Variants in TMEM108 observed in about 807,000 individuals in gnomAD.
TMEM108 encodes cancer/testis antigen 124.
In TMEM108, 12 loss-of-function variants were observed where a neutral mutation model predicts 35.1. The observed-to-expected ratio is 0.34, with a 90% CI of 0.22 to 0.55. TMEM108 has a LOEUF of 0.55. TMEM108 is among the 20% of genes least tolerant of loss of function. The pLI, the probability that TMEM108 is intolerant of heterozygous loss-of-function variation, is 0.89. For missense variants in TMEM108, 680 were observed against 753.3 expected, an observed-to-expected ratio of 0.90 and a Z score of 1.14; for synonymous variants, 287 against 308.6, an observed-to-expected ratio of 0.93 and a Z score of 0.73.
intron 3 of TMEM108, among the ~76,000 whole-genome samples, chr3:133,294,318 A>G (rs1947113527): frequency 6.6e-6 from 1 of 152,200 alleles, no homozygotes; most frequent in African/African-American, 2.4e-5. Context: ...ATTAGGTAAT[A>G]AAAAGTGAAG....
At chr3:133,231,183 A>C (rs1030579556) in intron 3 of TMEM108, among the ~76,000 whole-genome samples, 1 of 152,194 alleles carries the variant, frequency 6.6e-6, no homozygotes, top group African/African-American at 2.4e-5. Context: ...ATCAACACAC[A>C]CAATATGTTA....
intron 2 of TMEM108, among the ~76,000 whole-genome samples, chr3:133,192,096 C>G (rs1261989629): frequency 3.3e-5 from 5 of 152,090 alleles, no homozygotes; most frequent in African/African-American, 4.8e-5. Context: ...CAAAGCTGCA[C>G]AAGCTCTGAC....
chr3:133,386,330 C>T, intron 4 of TMEM108: 4 of 1,440,972 alleles, frequency 2.8e-6, no homozygotes, highest in Non-Finnish European at 3.8e-6. Flanking sequence ...AATGCCTGCT[C>T]AAACAGGCCC....
intron 3 of TMEM108, among the ~76,000 whole-genome samples, chr3:133,301,139 T>C (rs1160645875): frequency 1.3e-5 from 2 of 152,240 alleles, no homozygotes; most frequent in South Asian, 2.1e-4. Context: ...AGATCTCTTA[T>C]TCCCTGTCCC....
At chr3:133,389,526 A>C (rs973752514) in intron 4 of TMEM108, 1 of 397,504 alleles carries the variant, frequency 2.5e-6, no homozygotes, top group Non-Finnish European at 3.4e-6. Flanking sequence ...TCTACTAAAA[A>C]TACAAAAATT....
chr3:133,376,662 G>C (rs961140606), intron 3 of TMEM108, among the ~76,000 whole-genome samples: 9 of 152,152 alleles, frequency 5.9e-5, no homozygotes, highest in African/African-American at 2.2e-4. Context: ...AGCCTACTCA[G>C]CTCCACTGAC....
At chr3:133,231,337 C>T (rs1946150407) in intron 3 of TMEM108, among the ~76,000 whole-genome samples, 1 of 151,998 alleles carries the variant, frequency 6.6e-6, no homozygotes, top group Admixed American at 6.6e-5. Flanking sequence ...AAGCAAATAA[C>T]AGTTATTTAT....
intron 3 of TMEM108, among the ~76,000 whole-genome samples, chr3:133,292,084 A>G (rs1370997612): frequency 6.6e-6 from 1 of 152,230 alleles, no homozygotes; most frequent in Non-Finnish European, 1.5e-5. Flanking sequence ...GAAGTGCCTC[A>G]GATGATTCTG....
At position 133,271,251 on chromosome 3, in the gene TMEM108, T is replaced by C. The variant is rs144780216; in HGVS notation, c.40+41900T>C. The stretch of plus-strand genomic sequence containing the variant: ...GAGTTCTGCTGTAGAACGGAAAGAG[T>C]TGGGAAACAGGAGGAGGACCAGAGA... On this transcript the variant is annotated intron_variant, in intron 3 of 5. Coordinates refer to ENST00000321871, the MANE Select transcript of TMEM108 (RefSeq NM_023943.4). 3.9e-4 allele frequency among the ~76,000 whole-genome samples: 60 copies of C among 151,938 alleles called. No individual in the cohort carries two copies. The East Asian group carries it at 9.7e-3, about 24-fold the overall frequency.
intron 2 of TMEM108, among the ~76,000 whole-genome samples, chr3:133,165,451 A>G (rs1468444960): frequency 6.6e-6 from 1 of 152,216 alleles, no homozygotes; most frequent in East Asian, 1.9e-4. Context: ...CTATAAAAAG[A>G]CAATGTCCCA....
chr3:133,393,410 T>C (rs1350276297), intron 5 of TMEM108, among the ~76,000 whole-genome samples: 2 of 152,226 alleles, frequency 1.3e-5, no homozygotes, highest in African/African-American at 4.8e-5. Context: ...TTGTTTGTTG[T>C]GCTCACTGCT....
At chr3:133,091,001 G>A (rs1943940629) in intron 2 of TMEM108, among the ~76,000 whole-genome samples, 1 of 152,058 alleles carries the variant, frequency 6.6e-6, no homozygotes, top group Non-Finnish European at 1.5e-5. Context: ...GTAAATCACT[G>A]TAAGTAAAAC....
At chr3:133,112,301 G>T (rs944202511) in intron 2 of TMEM108, among the ~76,000 whole-genome samples, 7 of 152,128 alleles carry the variant, frequency 4.6e-5, no homozygotes, top group Admixed American at 3.9e-4. Context: ...AAATGTATCA[G>T]TGACCCTTAC....
intron 2 of TMEM108, among the ~76,000 whole-genome samples, chr3:133,062,892 G>A (rs560016909): frequency 2.6e-5 from 4 of 152,302 alleles, no homozygotes; most frequent in South Asian, 2.1e-4. Context: ...TGTTTTTGCC[G>A]AGTGAGCAGG....
At chr3:133,086,567 A>T (rs926818949) in intron 2 of TMEM108, among the ~76,000 whole-genome samples, 4 of 152,214 alleles carry the variant, frequency 2.6e-5, no homozygotes, top group Non-Finnish European at 5.9e-5. Context: ...AACTATTACG[A>T]GATGAGCATT....
chr3:133,310,024 T>C (rs982471351), intron 3 of TMEM108, among the ~76,000 whole-genome samples: 1 of 152,182 alleles, frequency 6.6e-6, no homozygotes, highest in African/African-American at 2.4e-5. Flanking sequence ...TAATCCTGTG[T>C]TCTAATTTGA....
At position 133,067,693 on chromosome 3, in the gene TMEM108, G is replaced by A. The variant is rs74817589; in HGVS notation, c.-47+21673G>A. On this transcript the variant is annotated intron_variant, in intron 2 of 5. Coordinates refer to ENST00000321871, the MANE Select transcript of TMEM108 (RefSeq NM_023943.4). ...CAGAGACTTTTGTCTAGCTAAGGTG[G>A]TGAGGGCCAATAGGACTGTAAACAA... Among the ~76,000 whole-genome samples, 754 of 152,270 alleles carry A rather than the reference G, an allele frequency of 5.0e-3. 8 individuals are homozygous for A. Among genetic ancestry groups the A allele is most frequent in the African/African-American group, 0.016 (677 of 41,558 alleles).
Position 133,092,367 on chromosome 3 carries a change from C to T in TMEM108, c.-47+46347C>T, listed in dbSNP as rs146903033. Among the ~76,000 whole-genome samples, 1,338 of 152,288 alleles carry T rather than the reference C, an allele frequency of 8.8e-3. 22 individuals carry two copies. The highest frequency in any genetic ancestry group is 0.031 in the African/African-American group (1,279 of 41,544). On this transcript the variant is annotated intron_variant, in intron 2 of 5. Coordinates refer to ENST00000321871, the MANE Select transcript of TMEM108 (RefSeq NM_023943.4). ...AGGGTCTAATATTTTCTCCTAACCT[C>T]TTTTACCCAAGTCATATTTAAAAGT...
chr3:133,090,437 G>A (rs1159713002), intron 2 of TMEM108, among the ~76,000 whole-genome samples: 2 of 152,224 alleles, frequency 1.3e-5, no homozygotes, highest in Non-Finnish European at 2.9e-5. Context: ...TAAGTAATAG[G>A]GGCGTGAGGC....
Sources: allele counts gnomAD v4.1 joint callset (sites outside exome capture counted in the v4.1 genomes callset), GRCh38; gene constraint gnomAD v4.1.1; transcripts MANE v1.5; gene names NCBI Gene and HGNC (gene_info 2026-07-23, HGNC 2026-07-21).